Variants in FHIT observed in about 807,000 individuals in gnomAD.
FHIT encodes fragile histidine triad diadenosine triphosphatase.
In FHIT, 19 loss-of-function variants were observed where a neutral mutation model predicts 17.9. The observed-to-expected ratio is 1.06, with a 90% CI of 0.74 to 1.56. The LOEUF (loss-of-function observed/expected upper bound fraction) is 1.56, where lower values mean the gene tolerates loss of function less well. Among genes scored for constraint, FHIT ranks in the 40% most tolerant of loss-of-function variants. The pLI, the probability that FHIT is intolerant of heterozygous loss-of-function variation, is 0.00. For missense variants in FHIT, 248 were observed against 189.2 expected (o/e 1.31, Z -1.82); for synonymous variants, 81 against 69.7 (o/e 1.16, Z -0.81).
intron 4 of FHIT, among the ~76,000 whole-genome samples, chr3:60,558,867 C>G (rs989516384): frequency 6.6e-6 from 1 of 152,208 alleles, no homozygotes; most frequent in Admixed American, 6.5e-5. Context: ...AGACTAATGA[C>G]CCAGGGAAAC....
intron 5 of FHIT, among the ~76,000 whole-genome samples, chr3:60,234,188 T>C (rs1176413955): frequency 6.6e-6 from 1 of 152,038 alleles, no homozygotes; most frequent in African/African-American, 2.4e-5. Context: ...GACCAGACAA[T>C]TAAAGCTGTG....
chr3:60,632,888 G>C (rs2039483050), intron 4 of FHIT, among the ~76,000 whole-genome samples: 1 of 152,166 alleles, frequency 6.6e-6, no homozygotes. Context: ...ATGCAACATA[G>C]CTTCTCCAGC....
At chr3:60,387,717 A>T (rs1701067315) in intron 5 of FHIT, among the ~76,000 whole-genome samples, 1 of 152,062 alleles carries the variant, frequency 6.6e-6, no homozygotes. Context: ...CTTTGAAGCG[A>T]CTATACCCTC....
chr3:60,282,799 A>G (rs1474495475), intron 5 of FHIT, among the ~76,000 whole-genome samples: 3 of 152,154 alleles, frequency 2.0e-5, no homozygotes, highest in African/African-American at 7.2e-5. Context: ...TTTAAAAAGT[A>G]CATCTTAGAA....
At chr3:61,014,976 G>T (rs1230559762) in intron 3 of FHIT, among the ~76,000 whole-genome samples, 2 of 150,992 alleles carry the variant, frequency 1.3e-5, no homozygotes, top group African/African-American at 4.9e-5. Flanking sequence ...TCATCTTGAA[G>T]TGTGTTAAAA....
intron 5 of FHIT, among the ~76,000 whole-genome samples, chr3:60,117,904 C>T (rs901062916): frequency 2.0e-5 from 3 of 152,092 alleles, no homozygotes; most frequent in Admixed American, 2.0e-4. Context: ...TTAGGATATC[C>T]ATGAGGCTGT....
intron 8 of FHIT, among the ~76,000 whole-genome samples, chr3:59,848,618 A>C (rs1701812056): frequency 6.6e-6 from 1 of 152,218 alleles, no homozygotes; most frequent in Non-Finnish European, 1.5e-5. Flanking sequence ...CAAAGTACTT[A>C]CATTTAGGAT....
intron 5 of FHIT, among the ~76,000 whole-genome samples, chr3:60,204,603 T>A (rs1703080141): frequency 6.6e-6 from 1 of 151,988 alleles, no homozygotes; most frequent in African/African-American, 2.4e-5. Context: ...AAAAGGTATT[T>A]TTAAGGTGGG....
At chr3:61,198,336 G>C (rs964647722) in intron 2 of FHIT, among the ~76,000 whole-genome samples, 5 of 152,110 alleles carry the variant, frequency 3.3e-5, no homozygotes, top group African/African-American at 1.2e-4. Flanking sequence ...GGACAAGGGA[G>C]AATCCTTTAG....
chr3:59,800,449 T>G (rs956351014), intron 8 of FHIT, among the ~76,000 whole-genome samples: 7 of 152,204 alleles, frequency 4.6e-5, no homozygotes, highest in African/African-American at 1.7e-4. Flanking sequence ...AATGAGGCAG[T>G]GCCAGATTTT....
At position 59,964,955 on chromosome 3, in the gene FHIT, A is replaced by G. The variant is rs531657310; in HGVS notation, c.280-42541T>C. 4.6e-5 allele frequency among the ~76,000 whole-genome samples: 7 copies of G among 152,278 alleles called. No individual in the cohort carries two copies. The East Asian group carries it at 5.8e-4, about 13-fold the overall frequency. On this transcript the variant is annotated intron_variant, in intron 7 of 9. Coordinates refer to ENST00000492590, the MANE Select transcript of FHIT (RefSeq NM_002012.4). ...ATATTCAATACCAGTTTCATAAATC[A>G]TATTAACATTAGGAGAAAATCTATT...
At chr3:60,670,323 C>G (rs1036740507) in intron 4 of FHIT, among the ~76,000 whole-genome samples, 1 of 152,192 alleles carries the variant, frequency 6.6e-6, no homozygotes, top group Non-Finnish European at 1.5e-5. Flanking sequence ...CTTTCAGTAT[C>G]CTGAGGCAGG....
At chr3:61,208,357 T>A (rs917810828) in intron 1 of FHIT, among the ~76,000 whole-genome samples, 12 of 152,070 alleles carry the variant, frequency 7.9e-5, no homozygotes, top group African/African-American at 2.9e-4. Context: ...TGAGTTCAAT[T>A]CCTGGATATC....
Position 59,922,393 on chromosome 3 carries a change from G to A in FHIT, c.301C>T (p.Pro101Ser), listed in dbSNP as rs533270218. The change falls in exon 8 of 10, where the codon CCC (proline) becomes TCC (serine). Residue 101 changes from proline (P) to serine (S), a missense_variant. Transcript: ENST00000492590. ...CTGTGAAAGTCTCCAGCCTTCCTGGGAAGAACATGGACGTGAACGTGCTGA... is the reference window on the plus strand; with the variant it reads ...CTGTGAAAGTCTCCAGCCTTCCTGGAAAGAACATGGACGTGAACGTGCTGA... ...TVKHVHVHVL[P>S]RKAGDFHRND... 443 of 1,613,802 alleles carry A rather than the reference G, an allele frequency of 2.7e-4. 7 individuals carry two copies. The South Asian group carries it at 4.4e-3, about 16-fold the overall frequency.
intron 5 of FHIT, among the ~76,000 whole-genome samples, chr3:60,028,880 T>TCATGACA (rs1700864457): frequency 6.6e-6 from 1 of 152,122 alleles, no homozygotes; most frequent in African/African-American, 2.4e-5. Context: ...ACGTCCTATT[T>TCATGACA]CATGACATTG....
chr3:60,541,048 A>G (rs549094213), intron 4 of FHIT, among the ~76,000 whole-genome samples: 84 of 152,308 alleles, frequency 5.5e-4, no homozygotes, highest in Non-Finnish European at 1.1e-3. Flanking sequence ...CAGGTGTTTC[A>G]GAACCACTGA....
intron 3 of FHIT, among the ~76,000 whole-genome samples, chr3:61,024,771 C>G (rs1227054837): frequency 6.6e-6 from 1 of 152,116 alleles, no homozygotes; most frequent in Non-Finnish European, 1.5e-5. Flanking sequence ...ATGATCATAG[C>G]TATTAACAAT....
At chr3:60,324,458 G>T (rs1709585678) in intron 5 of FHIT, among the ~76,000 whole-genome samples, 1 of 151,686 alleles carries the variant, frequency 6.6e-6, no homozygotes, top group Non-Finnish European at 1.5e-5. Context: ...GGTGGCGGGT[G>T]CCTATAGTCC....
chr3:60,964,899 A>G (rs1301821908), intron 3 of FHIT, among the ~76,000 whole-genome samples: 1 of 152,116 alleles, frequency 6.6e-6, no homozygotes, highest in Non-Finnish European at 1.5e-5. Flanking sequence ...GAATCTGACA[A>G]TTATGTGTCT....
Sources: gnomAD v4.1 joint callset for allele counts (sites outside exome capture counted in the v4.1 genomes callset) on GRCh38, gnomAD v4.1.1 for gene constraint, MANE v1.5 for transcripts, NCBI Gene and HGNC (gene_info 2026-07-23, HGNC 2026-07-21) for gene names.